Variants in RNF213 observed in about 807,000 individuals in gnomAD.
RNF213 encodes E3 ubiquitin-protein ligase RNF213.
A neutral mutation model predicts 514.4 loss-of-function variants in RNF213; 341 were observed. That is an observed-to-expected ratio of 0.66 (90% CI 0.61 to 0.73). The LOEUF is 0.73. Among genes scored for constraint, RNF213 ranks in the 30% least tolerant of loss-of-function variants. RNF213 has a pLI of 0.00. For missense variants in RNF213, 5,767 were observed against 6,615.6 expected (o/e 0.87, Z 4.45); for synonymous variants, 2,655 against 2,658.2 (o/e 1.00, Z 0.04).
At chr17:80,380,739 C>T in intron 55 of RNF213, 92 bp from the exon 56 acceptor site, 1 of 1,434,170 alleles carries the variant, frequency 7.0e-7, no homozygotes, top group East Asian at 2.3e-5. Context: ...ACTCTCTTCT[C>T]AGCCGTAAGC....
At chr17:80,327,745 T>A in intron 18 of RNF213, 71 bp from the exon 19 acceptor site, 1 of 1,338,664 alleles carries the variant, frequency 7.5e-7, no homozygotes, top group Non-Finnish European at 1.0e-6. Flanking sequence ...TTATCTGGAA[T>A]TCCCACGGTA....
intron 59 of RNF213, 163 bp from the exon 60 acceptor site, chr17:80,384,876 G>A (rs2080170650): frequency 1.7e-5 from 13 of 766,814 alleles, no homozygotes; most frequent in Non-Finnish European, 2.4e-5. Flanking sequence ...AGACTTGTGG[G>A]AAGAACTTTT....
At chr17:80,367,157 A>G (rs574247407) in intron 42 of RNF213, among the ~76,000 whole-genome samples, 3 of 152,304 alleles carry the variant, frequency 2.0e-5, no homozygotes, top group African/African-American at 7.2e-5. Context: ...CCTTTATACA[A>G]CGTGGTATCA....
In RNF213 at chr17:80,295,797, C is replaced by T. The variant is rs1366231048; in HGVS notation, c.1996C>T (p.Leu666Phe). 3 of 1,614,008 alleles carry T rather than the reference C, an allele frequency of 1.9e-6. No homozygotes were observed. In the African/African-American group the frequency reaches 4.0e-5, roughly 22 times the overall value. Residue 666 changes from leucine (L) to phenylalanine (F), a missense_variant, in exon 10 of 68, where the codon CTT becomes TTT. Transcript: ENST00000582970. ...DEFHRDLSHI[L>F]GIPQSWRLYL... is the part of the protein sequence containing the mutation. ...GTTTCACCGTGACCTAAGCCACATC[C>T]TTGGGATACCTCAGAGGTATTATTA...
chr17:80,306,820 C>G (rs1352818799), intron 12 of RNF213, among the ~76,000 whole-genome samples: 1 of 150,208 alleles, frequency 6.7e-6, no homozygotes, highest in Non-Finnish European at 1.5e-5. Flanking sequence ...CCGCTGCACT[C>G]CAGCCTGGGT....
intron 26 of RNF213, among the ~76,000 whole-genome samples, chr17:80,342,773 A>T (rs57423401): frequency 0.084 from 12,249 of 146,248 alleles, 1,177 homozygotes; most frequent in African/African-American, 0.24. Context: ...ATATATATAT[A>T]TTTTTTGAGA....
At chr17:80,373,917 C>T (rs1016839504) in intron 49 of RNF213, among the ~76,000 whole-genome samples, 2 of 149,922 alleles carry the variant, frequency 1.3e-5, no homozygotes, top group Admixed American at 6.7e-5. Context: ...GCAGGAGAAT[C>T]ACTTGAACCC....
rs113797807 is a variant in RNF213, at chr17:80,343,639, C to T, written c.6184-218C>T. ...CTGAATCCTGGAGCCAATTGTAAAACGGTGTATTTATGTGTCTAAACATAA... is the reference window on the plus strand; with the variant it reads ...CTGAATCCTGGAGCCAATTGTAAAATGGTGTATTTATGTGTCTAAACATAA... On this transcript the variant is annotated intron_variant, in intron 27 of 67. Transcript: ENST00000582970. This position sits in a 1 kb window ranked among gnomAD's most constrained non-coding sequence, Gnocchi z 4.3. Among the ~76,000 whole-genome samples, 358 of 152,244 alleles carry T rather than the reference C, an allele frequency of 2.4e-3. 5 individuals carry two copies. The highest frequency in any genetic ancestry group is 8.0e-3 in the African/African-American group (331 of 41,538).
At chr17:80,374,057 G>A (rs1226374408) in intron 49 of RNF213, among the ~76,000 whole-genome samples, 1 of 148,772 alleles carries the variant, frequency 6.7e-6, no homozygotes, top group Non-Finnish European at 1.5e-5. Context: ...GTCCTTTCCA[G>A]ATACCCAGAA....
At chr17:80,276,585 G>A (rs1568000287) in intron 3 of RNF213, among the ~76,000 whole-genome samples, 1 of 149,048 alleles carries the variant, frequency 6.7e-6, no homozygotes, top group East Asian at 2.0e-4. Context: ...TGGCTCACTG[G>A]GTGACTGTGA....
At chr17:80,266,745 G>A (rs989763207) in intron 2 of RNF213, among the ~76,000 whole-genome samples, 8 of 151,786 alleles carry the variant, frequency 5.3e-5, no homozygotes, top group South Asian at 2.1e-4. Context: ...CAAGTGATGC[G>A]CCCACCTTGG....
chr17:80,340,055 C>G lies in RNF213; in HGVS notation c.5688C>G (p.Phe1896Leu). The G allele has an allele frequency of 6.4e-7, 1 of 1,568,020 alleles. No homozygotes were observed. Among genetic ancestry groups the G allele is most frequent in the East Asian group, 2.4e-5 (1 of 42,256 alleles). ...SLGHKVYSLL[F>L]ADQLSYEVAR... The stretch of plus-strand genomic sequence containing the variant: ...GGCACAAGGTCTACAGCCTGCTGTT[C>G]GCAGATCAGCTGAGCTACGAGGTGG... The change falls in exon 26 of 68, where the codon TTC becomes TTG. Residue 1896 changes from phenylalanine to leucine, a missense_variant. Transcript: ENST00000582970.
At position 80,290,701 on chromosome 17, in the gene RNF213, G is replaced by A; in HGVS notation, c.1244G>A (p.Ser415Asn). ...GAATTTGGGGAGTCAAAATGGGACAGCAATATCTGTGAGCTGCACTACACC... is the reference window on the plus strand; with the variant it reads ...GAATTTGGGGAGTCAAAATGGGACAACAATATCTGTGAGCTGCACTACACC... ...GEEFGESKWD[S>N]NICELHYTRD... Residue 415 changes from serine (S) to asparagine (N), a missense_variant, in exon 7 of 68, where the codon AGC becomes AAC. By Grantham distance (46) the Ser-to-Asn change is conservative (BLOSUM62 1). Transcript: ENST00000582970. 6.2e-7 allele frequency: 1 copy of A among 1,614,194 alleles called. No individual in the cohort carries two copies. Among genetic ancestry groups the A allele is most frequent in the Non-Finnish European group, 8.5e-7 (1 of 1,180,042 alleles).
At chr17:80,310,626 C>T (rs2045538448) in intron 14 of RNF213, among the ~76,000 whole-genome samples, 1 of 151,798 alleles carries the variant, frequency 6.6e-6, no homozygotes, top group Admixed American at 6.6e-5. Context: ...GATCTCGGCT[C>T]ACCACAACCT....
In RNF213 at chr17:80,393,859, GCCCA is replaced by G; in HGVS notation, c.*365_*368del. 8.0e-6 allele frequency: 2 copies of G among 249,844 alleles called. No individual in the cohort carries two copies. Among genetic ancestry groups the G allele is most frequent in the South Asian group, 1.0e-4 (2 of 19,752 alleles). 15.5% of individuals were successfully genotyped at this position (249,844 alleles called of 1,614,324 possible). ...CCTGTGCCCGTTCGCCTCTGGCACT[GCCCA>G]CCCCTCTTTTTTTTTTTCTTCTAAT... On this transcript the variant is annotated 3_prime_UTR_variant, in exon 68 of 68. Coordinates refer to ENST00000582970, the MANE Select transcript of RNF213 (RefSeq NM_001256071.3).
At chr17:80,275,040 TG>T (rs756590601) in intron 3 of RNF213, among the ~76,000 whole-genome samples, 3 of 78,986 alleles carry the variant, frequency 3.8e-5, no homozygotes, top group South Asian at 4.5e-4. Context: ...GTGTGTGTGT[TG>T]GGGGTGTGTG....
chr17:80,381,623 A>G lies in RNF213; in HGVS notation c.13874A>G (p.Glu4625Gly). 1 of 1,614,224 alleles carries G rather than the reference A, an allele frequency of 6.2e-7. No individual in the cohort carries two copies. Among genetic ancestry groups the G allele is most frequent in the Non-Finnish European group, 8.5e-7 (1 of 1,180,048 alleles). The change falls in exon 57 of 68, where the codon GAG (glutamate) becomes GGG (glycine). Residue 4625 changes from glutamate to glycine, a missense_variant. Coordinates refer to ENST00000582970, the MANE Select transcript of RNF213 (RefSeq NM_001256071.3). ...CAGCAGCACATCCTGAAGGACCTGG[A>G]GCAGTTGGCCAAGATGCTGGGACAC... is the stretch of plus-strand genomic sequence containing the variant. ...FLQQHILKDL[E>G]QLAKMLGHSA...
intron 3 of RNF213, among the ~76,000 whole-genome samples, chr17:80,281,441 CCCTGCAACAT>C (rs2143064177): frequency 8.7e-6 from 1 of 114,380 alleles, no homozygotes. Context: ...CACTCACACA[CCCTGCAACAT>C]ACACCCCACT....
intron 13 of RNF213, among the ~76,000 whole-genome samples, chr17:80,308,202 T>G (rs2045439007): frequency 6.6e-6 from 1 of 151,978 alleles, no homozygotes; most frequent in Non-Finnish European, 1.5e-5. Flanking sequence ...GCACTTCCAG[T>G]CTTCGTTCAC....
Sources: allele counts gnomAD v4.1 joint callset (sites outside exome capture counted in the v4.1 genomes callset), GRCh38; gene constraint gnomAD v4.1.1; non-coding constraint Gnocchi (gnomAD v3.1); transcripts MANE v1.5; gene names NCBI Gene and HGNC (gene_info 2026-07-23, HGNC 2026-07-21).